The following CDH4 variants were observed in gnomAD, a reference collection of about 807,000 sequenced individuals.
The protein encoded by CDH4 is cadherin 4, also known as cadherin-4.
A neutral mutation model predicts 86.0 loss-of-function variants in CDH4; 33 were observed. The ratio of observed to expected loss-of-function variants is 0.38; its 90% CI spans 0.29 to 0.51. The LOEUF is 0.51. CDH4 is among the 20% of genes least tolerant of loss of function. The probability of loss-of-function intolerance (pLI) is 0.86; values close to 1 mark genes in which losing one functional copy is unlikely to be tolerated. For missense variants in CDH4, 1,114 were observed against 1,307.4 expected, an observed-to-expected ratio of 0.85 and a Z score of 2.28; for synonymous variants, 555 against 549.4, an observed-to-expected ratio of 1.01 and a Z score of -0.14.
intron 13 of CDH4, 130 bp from the exon 14 acceptor site, chr20:61,932,855 T>TGCACACATGGGCAC: frequency 8.0e-7 from 1 of 1,254,622 alleles, no homozygotes; most frequent in Non-Finnish European, 1.1e-6. Context: ...CAGGTGTGCA[T>TGCACACATGGGCAC]GCACACATGG....
intron 2 of CDH4, among the ~76,000 whole-genome samples, chr20:61,613,171 C>T (rs917814594): frequency 6.6e-6 from 1 of 152,042 alleles, no homozygotes; most frequent in African/African-American, 2.4e-5. Flanking sequence ...TCTTCTCCTG[C>T]CCCCTCTTGG....
chr20:61,284,109 T>A (rs1356394704), intron 2 of CDH4, among the ~76,000 whole-genome samples: 2 of 148,522 alleles, frequency 1.3e-5, no homozygotes, highest in Admixed American at 1.4e-4. Context: ...ATCGAGACCA[T>A]CCTGGCTAAC....
chr20:61,598,711 C>G (rs1159986534), intron 2 of CDH4, among the ~76,000 whole-genome samples: 1 of 152,186 alleles, frequency 6.6e-6, no homozygotes, highest in African/African-American at 2.4e-5. Flanking sequence ...CAGATCTCAT[C>G]GTGTTTCTCA....
rs936166684 is a variant in CDH4, at chr20:61,364,658, A to G, written c.169+109721A>G. Among the ~76,000 whole-genome samples, 5 of 152,338 alleles carry G rather than the reference A, an allele frequency of 3.3e-5. No homozygotes were observed. In the South Asian group the frequency reaches 1.0e-3, roughly 32 times the overall value. On this transcript the variant is annotated intron_variant, in intron 2 of 15. Transcript: ENST00000614565. ...ATGCTGTCCATAAACATGTGCATAA[A>G]CATGCACAAAGTTGTGCTTTTTTAA...
rs1164180855 is a variant in CDH4, at chr20:61,517,519, T to C, written c.170-226044T>C. Among the ~76,000 whole-genome samples, 1 of 152,126 alleles carries C rather than the reference T, an allele frequency of 6.6e-6. No homozygotes were observed. Among genetic ancestry groups the C allele is most frequent in the Non-Finnish European group, 1.5e-5 (1 of 68,014 alleles). ...CTATAGACTTTTGTGTCTGGCGGCT[T>C]TTAAGAGTCAGACTTGTTTATAGTC... On this transcript the variant is annotated intron_variant, in intron 2 of 15. Transcript: ENST00000614565. This position sits in a 1 kb window ranked among gnomAD's most constrained non-coding sequence, Gnocchi z 6.6.
chr20:61,499,816 C>T (rs1445936855), intron 2 of CDH4, among the ~76,000 whole-genome samples: 1 of 152,098 alleles, frequency 6.6e-6, no homozygotes, highest in Non-Finnish European at 1.5e-5. Context: ...CACCTTGAGC[C>T]GGATACCTCT....
At position 61,365,290 on chromosome 20, in the gene CDH4, A is replaced by G. The variant is rs1011075936; in HGVS notation, c.169+110353A>G. ...ACATTTTGCTCCTAATGAGAAACCTAAGTAAGTACAAAGATGTCTTCTTCG... is the reference window on the plus strand; with the variant it reads ...ACATTTTGCTCCTAATGAGAAACCTGAGTAAGTACAAAGATGTCTTCTTCG... On this transcript the variant is annotated intron_variant, in intron 2 of 15. Coordinates refer to ENST00000614565, the MANE Select transcript of CDH4 (RefSeq NM_001794.5). Among the ~76,000 whole-genome samples, 3 of 152,190 alleles carry G rather than the reference A, an allele frequency of 2.0e-5. No individual in the cohort carries two copies. The East Asian group carries it at 5.8e-4, about 29-fold the overall frequency.
rs1600929270 is a variant in CDH4 at position 61,388,304 on chromosome 20, G to A, written c.169+133367G>A. Among the ~76,000 whole-genome samples, 3 of 152,268 alleles carry A rather than the reference G, an allele frequency of 2.0e-5. No individual in the cohort carries two copies. The East Asian group carries it at 5.8e-4, about 29-fold the overall frequency. The stretch of plus-strand genomic sequence containing the variant: ...GTAGGGGGGTGTGGGGTTGACCCCC[G>A]TCTCACTTTTCGCCTTTCCTGGAAG... On this transcript the variant is annotated intron_variant, in intron 2 of 15. Coordinates refer to ENST00000614565, the MANE Select transcript of CDH4 (RefSeq NM_001794.5).
At chr20:61,592,152 A>G (rs962701750) in intron 2 of CDH4, among the ~76,000 whole-genome samples, 10 of 152,216 alleles carry the variant, frequency 6.6e-5, no homozygotes, top group Admixed American at 6.5e-4. Context: ...GCTTTCCCCC[A>G]GCCATTTACT....
At chr20:61,261,364 G>A (rs1177798912) in intron 2 of CDH4, among the ~76,000 whole-genome samples, 2 of 152,218 alleles carry the variant, frequency 1.3e-5, no homozygotes, top group Non-Finnish European at 1.5e-5. Flanking sequence ...CACTGACGCT[G>A]TGACTTAAAG....
intron 2 of CDH4, among the ~76,000 whole-genome samples, chr20:61,520,938 G>A (rs546601204): frequency 6.6e-5 from 10 of 152,292 alleles, no homozygotes; most frequent in South Asian, 2.1e-4. Flanking sequence ...GCAGCTCTGC[G>A]GGGGTGCAGC....
chr20:61,257,793 C>A (rs556711517), intron 2 of CDH4, among the ~76,000 whole-genome samples: 1 of 152,212 alleles, frequency 6.6e-6, no homozygotes, highest in South Asian at 2.1e-4. Flanking sequence ...CAGCCTGGTA[C>A]GGTGACCTGC....
chr20:61,845,420 C>T (rs1485436798), intron 5 of CDH4, among the ~76,000 whole-genome samples: 1 of 152,168 alleles, frequency 6.6e-6, no homozygotes, highest in Non-Finnish European at 1.5e-5. Flanking sequence ...TTCCAGGGGG[C>T]GGGCCTTCTC....
chr20:61,539,286 A>T (rs780948280), intron 2 of CDH4, among the ~76,000 whole-genome samples: 1 of 152,140 alleles, frequency 6.6e-6, no homozygotes, highest in Non-Finnish European at 1.5e-5. Flanking sequence ...TCCACAGTGT[A>T]GGTGTATTAG....
chr20:61,843,580 G>A (rs1011118550), intron 4 of CDH4, among the ~76,000 whole-genome samples: 1 of 151,198 alleles, frequency 6.6e-6, no homozygotes, highest in African/African-American at 2.4e-5. Context: ...TGTAGTCCCA[G>A]CTACTCCGGG....
intron 8 of CDH4, among the ~76,000 whole-genome samples, chr20:61,908,651 T>G (rs544215904): frequency 1.3e-4 from 19 of 148,556 alleles, no homozygotes; most frequent in Admixed American, 6.6e-4. Flanking sequence ...AAGGCTCCCT[T>G]CTTTGGGCTT....
At position 61,258,346 on chromosome 20, in the gene CDH4, G is replaced by GA. The variant is rs1234257125; in HGVS notation, c.169+3421dup. On this transcript the variant is annotated intron_variant, in intron 2 of 15. Coordinates refer to ENST00000614565, the MANE Select transcript of CDH4 (RefSeq NM_001794.5). ...CTCCGTCTCAAAAAAAAAAAAAAAAGAAAAAAAAAAAAGAAAGAGGAGCAT... is the reference window on the plus strand; with the variant it reads ...CTCCGTCTCAAAAAAAAAAAAAAAAGAAAAAAAAAAAAAGAAAGAGGAGCAT... Among the ~76,000 whole-genome samples the GA allele has an allele frequency of 5.3e-3, 225 of 42,778 alleles. 1 individual carries two copies. The highest frequency in any genetic ancestry group is 0.012 in the Admixed American group (49 of 4,180). 28.1% of individuals were successfully genotyped at this position (42,778 alleles called of 152,430 possible). A position where few individuals can be genotyped will look rare whatever the true frequency, so the allele number is the denominator to read the frequency against.
chr20:61,701,793 C>T (rs909771500), intron 2 of CDH4, among the ~76,000 whole-genome samples: 3 of 152,198 alleles, frequency 2.0e-5, no homozygotes, highest in South Asian at 2.1e-4. Flanking sequence ...TCGGACAAAG[C>T]GTCCATTGGC....
At chr20:61,404,779 G>A (rs186745339) in intron 2 of CDH4, among the ~76,000 whole-genome samples, 36 of 151,808 alleles carry the variant, frequency 2.4e-4, no homozygotes, top group Non-Finnish European at 5.0e-4. Context: ...GGCTGGGCGT[G>A]GTGGCTCACG....
Sources: allele counts gnomAD v4.1 joint callset (sites outside exome capture counted in the v4.1 genomes callset), GRCh38; gene constraint gnomAD v4.1.1; non-coding constraint Gnocchi (gnomAD v3.1); transcripts MANE v1.5; gene names NCBI Gene and HGNC (gene_info 2026-07-23, HGNC 2026-07-21).